The following XRCC5 variants were observed in gnomAD, a reference collection of about 807,000 sequenced individuals.
The protein encoded by XRCC5 is X-ray repair cross complementing 5.
A neutral mutation model predicts 95.7 loss-of-function variants in XRCC5; 12 were observed. The observed-to-expected ratio is 0.13, with a 90% CI of 0.08 to 0.20. The LOEUF (loss-of-function observed/expected upper bound fraction) is 0.20. Ranked by LOEUF, XRCC5 falls within the 10% of genes least tolerant of loss-of-function variation. The pLI is 1.00. For missense variants in XRCC5, 595 were observed against 873.9 expected, an observed-to-expected ratio of 0.68 and a Z score of 4.02; for synonymous variants, 281 against 290.3, an observed-to-expected ratio of 0.97 and a Z score of 0.33.
intron 14 of XRCC5, 31 bp downstream of exon 14, chr2:216,148,307 T>G: frequency 6.3e-7 from 1 of 1,584,192 alleles, no homozygotes; most frequent in Non-Finnish European, 8.6e-7. Context: ...CATTTAACAT[T>G]GGGGTACATA....
chr2:216,127,073 T>C (rs1696910905), intron 7 of XRCC5, among the ~76,000 whole-genome samples: 1 of 152,058 alleles, frequency 6.6e-6, no homozygotes, highest in Admixed American at 6.6e-5. Context: ...TCAACCTGTC[T>C]CTACTAAAAA....
At chr2:216,138,724 T>C (rs1697128145) in intron 12 of XRCC5, among the ~76,000 whole-genome samples, 1 of 152,244 alleles carries the variant, frequency 6.6e-6, no homozygotes, top group South Asian at 2.1e-4. Flanking sequence ...TATAGAATTA[T>C]TCTTAGAGCC....
intron 16 of XRCC5, among the ~76,000 whole-genome samples, chr2:216,167,948 T>G (rs16855534): frequency 0.12 from 18,602 of 152,202 alleles, 1,318 homozygotes; most frequent in South Asian, 0.28. Context: ...GTACTTTGTA[T>G]TTTTATTAAA....
At chr2:216,145,161 A>G (rs16855454) in intron 13 of XRCC5, among the ~76,000 whole-genome samples, 8,942 of 152,152 alleles carry the variant, frequency 0.059, 832 homozygotes, top group African/African-American at 0.2. Context: ...GATGAGAAAG[A>G]CTTTCTGATG....
chr2:216,139,623 C>T (rs1248455975), intron 12 of XRCC5, among the ~76,000 whole-genome samples: 3 of 152,122 alleles, frequency 2.0e-5, no homozygotes, highest in African/African-American at 7.2e-5. Flanking sequence ...CCTCTTGCCT[C>T]GGCCTCCTAA....
At chr2:216,155,803 C>A (rs1321092210) in intron 14 of XRCC5, among the ~76,000 whole-genome samples, 1 of 152,102 alleles carries the variant, frequency 6.6e-6, no homozygotes. Flanking sequence ...TAAGATGTAT[C>A]TGATATATCG....
rs189713872 is a variant in XRCC5, at chr2:216,147,310, T to G, written c.1477-773T>G. On this transcript the variant is annotated intron_variant, in intron 13 of 20. Transcript: ENST00000392132. ...AAGCAGGAGCCCAGCCTATTGGGGT[T>G]GTGAGTGAGGAGAACAAGTGGCTGG... Among the ~76,000 whole-genome samples, 6 of 152,204 alleles carry G rather than the reference T, an allele frequency of 3.9e-5. No individual in the cohort carries two copies. The East Asian group carries it at 9.7e-4, about 25-fold the overall frequency.
intron 16 of XRCC5, among the ~76,000 whole-genome samples, chr2:216,187,711 G>A (rs16825190): frequency 0.2 from 30,608 of 149,516 alleles, 4,463 homozygotes; most frequent in African/African-American, 0.42. Flanking sequence ...TCTTTATGCA[G>A]TAGTTTGGAC....
intron 10 of XRCC5, among the ~76,000 whole-genome samples, chr2:216,136,356 CAA>C (rs767749732): frequency 2.9e-5 from 1 of 34,126 alleles, no homozygotes; most frequent in Non-Finnish European, 5.5e-5. Context: ...AACTGTGTCT[CAA>C]AAAAAAAAAA....
intron 6 of XRCC5, among the ~76,000 whole-genome samples, chr2:216,123,934 C>A (rs1051959753): frequency 1.3e-5 from 2 of 152,194 alleles, no homozygotes; most frequent in Non-Finnish European, 2.9e-5. Flanking sequence ...AGCATTTCGA[C>A]GCTACTTTGA....
intron 16 of XRCC5, among the ~76,000 whole-genome samples, chr2:216,188,921 A>G (rs1689559689): frequency 6.6e-6 from 1 of 152,224 alleles, no homozygotes; most frequent in African/African-American, 2.4e-5. Context: ...GTGCTTTCTT[A>G]TAATGGAGAT....
rs1289859647 is a variant in XRCC5, at chr2:216,119,157, G to C, written c.483G>C (p.Leu161=). ...GCTTGAAGAAATGTGACATCTCCCT[G>C]CAATTCTTGTAAGATCCTAAGAATA... ...IHSLKKCDIS[L]QFFLPFSLGK... Residue 161 remains leucine, a synonymous_variant, in exon 5 of 21, where the codon CTG becomes CTC. Transcript: ENST00000392132. 1.9e-6 allele frequency: 3 copies of C among 1,613,948 alleles called. No homozygotes were observed. Among genetic ancestry groups the C allele is most frequent in the Non-Finnish European group, 2.5e-6 (3 of 1,179,918 alleles).
intron 16 of XRCC5, among the ~76,000 whole-genome samples, chr2:216,163,318 T>G (rs1463276896): frequency 2.0e-5 from 3 of 151,898 alleles, no homozygotes; most frequent in African/African-American, 7.3e-5. Flanking sequence ...CTTTTTTTCT[T>G]TTTCTTTTTT....
At chr2:216,133,279 A>C (rs1344441342) in intron 10 of XRCC5, among the ~76,000 whole-genome samples, 1 of 152,240 alleles carries the variant, frequency 6.6e-6, no homozygotes, top group Non-Finnish European at 1.5e-5. Flanking sequence ...CTTGAATCAA[A>C]TCCTGTTGGG....
At chr2:216,164,522 G>C (rs1194472962) in intron 16 of XRCC5, among the ~76,000 whole-genome samples, 1 of 152,182 alleles carries the variant, frequency 6.6e-6, no homozygotes, top group Non-Finnish European at 1.5e-5. Flanking sequence ...TGCTTTACTT[G>C]GGAAAATAAC....
rs1040771739 is a variant in XRCC5, at chr2:216,206,130, C to T, written c.*928C>T. On this transcript the variant is annotated 3_prime_UTR_variant, in exon 21 of 21. Transcript: ENST00000392132. Reference sequence around the variant, plus strand: ...AAGAAAATAACAAAGCCCTTATTCTCTTTTTTTCTTGTCCTCATTCTTGCC... The same window carrying T: ...AAGAAAATAACAAAGCCCTTATTCTTTTTTTTTCTTGTCCTCATTCTTGCC... The T allele has an allele frequency of 3.3e-5, 5 of 152,154 alleles. No individual in the cohort carries two copies. Among genetic ancestry groups the T allele is most frequent in the Admixed American group, 1.3e-4 (2 of 15,276 alleles). The allele number at this position is 152,154 out of a possible 1,614,324, so 9.4% of individuals were successfully genotyped here.
chr2:216,185,710 C>G (rs1412667284), intron 16 of XRCC5, among the ~76,000 whole-genome samples: 1 of 146,892 alleles, frequency 6.8e-6, no homozygotes, highest in Non-Finnish European at 1.5e-5. Context: ...GAATCTCACT[C>G]TGTTGCCCAG....
chr2:216,141,685 C>A (rs372167762), intron 13 of XRCC5, among the ~76,000 whole-genome samples: 38 of 151,818 alleles, frequency 2.5e-4, no homozygotes, highest in African/African-American at 8.9e-4. Flanking sequence ...GCACTCTTCC[C>A]GCCTCAGTCT....
At chr2:216,126,146 A>G (rs549354841) in intron 7 of XRCC5, 115 bp downstream of exon 7, 1 of 791,818 alleles carries the variant, frequency 1.3e-6, no homozygotes, top group East Asian at 2.7e-5. Context: ...CTGCTTTTCT[A>G]GTTGTTCTCC....
Sources: gnomAD v4.1 joint callset for allele counts (sites outside exome capture counted in the v4.1 genomes callset) on GRCh38, gnomAD v4.1.1 for gene constraint, MANE v1.5 for transcripts, NCBI Gene and HGNC (gene_info 2026-07-23, HGNC 2026-07-21) for gene names.